ZFHX2: variants seen among roughly 807,000 people sequenced by gnomAD.
ZFHX2 encodes zinc finger homeobox protein 2.
A neutral mutation model predicts 164.8 loss-of-function variants in ZFHX2; 75 were observed. The ratio of observed to expected loss-of-function variants is 0.46; its 90% CI spans 0.38 to 0.55. The LOEUF (loss-of-function observed/expected upper bound fraction) is 0.55. ZFHX2 is among the 20% of genes least tolerant of loss of function. ZFHX2 has a pLI of 0.00. For missense variants in ZFHX2, 2,933 were observed against 3,308.0 expected (o/e 0.89, Z 2.78); for synonymous variants, 1,217 against 1,351.4 (o/e 0.90, Z 2.18).
Position 23,523,230 on chromosome 14 carries a change from G to T in ZFHX2, c.6712C>A (p.Leu2238Met), listed in dbSNP as rs1595132696. ...GAATTGAAAGGAGCTAAGTTGCCCAGCGGGGGCTGAGCCAGAGCTGGGCCA... is the reference window on the plus strand; with the variant it reads ...GAATTGAAAGGAGCTAAGTTGCCCATCGGGGGCTGAGCCAGAGCTGGGCCA... ...LSGPALAQPPLGNLAPFNSGP... is the reference protein window; with the variant it reads ...LSGPALAQPPMGNLAPFNSGP... Residue 2238 changes from leucine (L) to methionine (M), a missense_variant, in exon 9 of 10, where the codon CTG becomes ATG. Physicochemically the swap from Leu to Met is conservative, Grantham distance 15. Transcript: ENST00000419474. The surrounding 1 kb of genome is among the most constrained non-coding windows in gnomAD (Gnocchi z 4.1). The T allele has an allele frequency of 7.0e-7, 1 of 1,432,296 alleles. No individual in the cohort carries two copies. The allele number at this position is 1,432,296 out of a possible 1,614,324, so 88.7% of individuals were successfully genotyped here.
In ZFHX2 at chr14:23,524,771, C is replaced by A. The variant is rs1878489209; in HGVS notation, c.5171G>T (p.Gly1724Val). 2.0e-6 allele frequency: 3 copies of A among 1,536,470 alleles called. No homozygotes were observed. Among genetic ancestry groups the A allele is most frequent in the Non-Finnish European group, 2.6e-6 (3 of 1,146,962 alleles). The change falls in exon 9 of 10, where the codon GGC (glycine) becomes GTC (valine). Residue 1724 changes from glycine (G) to valine (V), a missense_variant. Coordinates refer to ENST00000419474, the MANE Select transcript of ZFHX2 (RefSeq NM_033400.3). This position sits in a 1 kb window ranked among gnomAD's most constrained non-coding sequence, Gnocchi z 5.6. Reference sequence around the variant, plus strand: ...CTCAGGCCCTGCTGGAGGTTCAAGGCCCTGTTCCTCCTCTACTTCTTCTTC... The same window carrying A: ...CTCAGGCCCTGCTGGAGGTTCAAGGACCTGTTCCTCCTCTACTTCTTCTTC... ...VEEEEVEEEQ[G>V]LEPPAGPEGP...
chr14:23,534,323 G>A lies in ZFHX2; in HGVS notation c.1003C>T (p.Leu335Phe), dbSNP rs1477019708. The change falls in exon 2 of 10, where the codon CTC becomes TTC. Residue 335 changes from leucine to phenylalanine, a missense_variant. Coordinates refer to ENST00000419474, the MANE Select transcript of ZFHX2 (RefSeq NM_033400.3). The surrounding 1 kb of genome is among the most constrained non-coding windows in gnomAD (Gnocchi z 4.5). The part of the protein sequence containing the change: ...PPEAEVQALI[L>F]LDEEVMALSP... ...AGGGCCATAACTTCTTCATCCAGGA[G>A]GATAAGGGCCTGGACTTCTGCCTCA... 6.5e-7 allele frequency: 1 copy of A among 1,536,344 alleles called. No homozygotes were observed. Among genetic ancestry groups the A allele is most frequent in the South Asian group, 1.2e-5 (1 of 84,064 alleles).
Position 23,523,025 on chromosome 14 carries a change from C to T in ZFHX2, c.6740-84G>A, listed in dbSNP as rs1878232308. The stretch of plus-strand genomic sequence containing the variant: ...GCCATAGGCCACCTCCAGCCACACA[C>T]ACCCGTTCCCAGCACCGGATTTCCA... On this transcript the variant is annotated intron_variant, in intron 9 of 9. Transcript: ENST00000419474. This position sits in a 1 kb window ranked among gnomAD's most constrained non-coding sequence, Gnocchi z 4.1. 3 of 1,416,054 alleles carry T rather than the reference C, an allele frequency of 2.1e-6. No homozygotes were observed. Among genetic ancestry groups the T allele is most frequent in the Admixed American group, 6.0e-5 (2 of 33,128 alleles). The allele number at this position is 1,416,054 out of a possible 1,614,324, so 87.7% of individuals were successfully genotyped here. A position where few individuals can be genotyped will look rare whatever the true frequency, so the allele number is the denominator to read the frequency against.
intron 1 of ZFHX2, among the ~76,000 whole-genome samples, chr14:23,538,704 C>T (rs1262846771): frequency 6.6e-6 from 1 of 152,148 alleles, no homozygotes; most frequent in African/African-American, 2.4e-5. Context: ...CCTGACATTG[C>T]TTCCTCTGAA....
intron 1 of ZFHX2, among the ~76,000 whole-genome samples, chr14:23,541,792 C>G (rs920812426): frequency 6.0e-5 from 9 of 150,352 alleles, no homozygotes; most frequent in African/African-American, 2.2e-4. Context: ...AGATCCTTTC[C>G]AAGTCATCCC....
upstream of ZFHX2, among the ~76,000 whole-genome samples, chr14:23,552,193 G>T (rs1378576388): frequency 6.6e-6 from 1 of 151,856 alleles, no homozygotes; most frequent in Non-Finnish European, 1.5e-5. Context: ...GAGAGCTTCT[G>T]CCTCCTCCAC....
chr14:23,531,332 T>C (rs1168763631), intron 4 of ZFHX2, 149 bp downstream of exon 4: 2 of 1,201,490 alleles, frequency 1.7e-6, no homozygotes, highest in Non-Finnish European at 2.1e-6. Context: ...TCATTCTGTC[T>C]TATCCCTTCG....
In ZFHX2 at chr14:23,534,132, C is replaced by T. The variant is rs764845259; in HGVS notation, c.1194G>A (p.Glu398=). 13 of 1,478,630 alleles carry T rather than the reference C, an allele frequency of 8.8e-6. No individual in the cohort carries two copies. The highest frequency in any genetic ancestry group is 1.4e-5 in the South Asian group (1 of 73,914). 91.6% of individuals were successfully genotyped at this position (1,478,630 alleles called of 1,614,324 possible). The change falls in exon 2 of 10, where the codon GAG becomes GAA. Residue 398 remains glutamate (E), a synonymous_variant. Transcript: ENST00000419474. This position sits in a 1 kb window ranked among gnomAD's most constrained non-coding sequence, Gnocchi z 4.5. The part of the protein sequence containing the change: ...PLNQSSPTSK[E]GGTLPAPVGS... Reference sequence around the variant, plus strand: ...CCACTGGGGCAGGGAGAGTGCCCCCCTCCTTGGAGGTGGGTGAGCTTTGGT... The same window carrying T: ...CCACTGGGGCAGGGAGAGTGCCCCCTTCCTTGGAGGTGGGTGAGCTTTGGT...
Position 23,526,474 on chromosome 14 carries a change from C to G in ZFHX2, c.3468G>C (p.Glu1156Asp). 1 of 1,536,144 alleles carries G rather than the reference C, an allele frequency of 6.5e-7. No homozygotes were observed. The highest frequency in any genetic ancestry group is 8.7e-7 in the Non-Finnish European group (1 of 1,146,900). ...MAEEEEGTTG[E>D]LRSAEPAPAD... ...CTGGAGCTGGCTCTGCAGAGCGGAGCTCCCCAGTGGTCCCCTCTTCCTCCT... is the reference window on the plus strand; with the variant it reads ...CTGGAGCTGGCTCTGCAGAGCGGAGGTCCCCAGTGGTCCCCTCTTCCTCCT... The change falls in exon 9 of 10, where the codon GAG (glutamate) becomes GAC (aspartate). Residue 1156 changes from glutamate (E) to aspartate (D), a missense_variant. Physicochemically the swap from Glu to Asp is conservative, Grantham distance 45 (BLOSUM62 2). Coordinates refer to ENST00000419474, the MANE Select transcript of ZFHX2 (RefSeq NM_033400.3).
In ZFHX2 at chr14:23,526,204, C is replaced by T; in HGVS notation, c.3738G>A (p.Lys1246=). 6.5e-7 allele frequency: 1 copy of T among 1,536,544 alleles called. No individual in the cohort carries two copies. Among genetic ancestry groups the T allele is most frequent in the South Asian group, 1.2e-5 (1 of 84,062 alleles). The change falls in exon 9 of 10, where the codon AAG becomes AAA. Residue 1246 remains lysine, a synonymous_variant. Transcript: ENST00000419474. ...CTCTGCAGACTGTGCACTTAAAGGG[C>T]TTGTCTGTGGCAGCAGTGGTGGTGG... ...APPTTTAATD[K]PFKCTVCRVS...
In ZFHX2 at chr14:23,525,819, C is replaced by T. The variant is rs1878627865; in HGVS notation, c.4123G>A (p.Gly1375Arg). 3 of 1,462,082 alleles carry T rather than the reference C, an allele frequency of 2.1e-6. No individual in the cohort carries two copies. Among genetic ancestry groups the T allele is most frequent in the Non-Finnish European group, 2.7e-6 (3 of 1,112,740 alleles). The allele number at this position is 1,462,082 out of a possible 1,614,324, so 90.6% of individuals were successfully genotyped here. A position where few individuals can be genotyped will look rare whatever the true frequency, so the allele number is the denominator to read the frequency against. Residue 1375 changes from glycine (G) to arginine (R), a missense_variant, in exon 9 of 10, where the codon GGG becomes AGG. Coordinates refer to ENST00000419474, the MANE Select transcript of ZFHX2 (RefSeq NM_033400.3). This position sits in a 1 kb window ranked among gnomAD's most constrained non-coding sequence, Gnocchi z 5.9. ...GGCCCAGCTAGTGTCAGCTTGGGCC[C>T]CACCTTGAGATCGTGGAGGTAGAAG... ...LPFYLHDLKV[G>R]PKLTLAGPAP...
At chr14:23,541,060 C>T (rs1369012842) in intron 1 of ZFHX2, among the ~76,000 whole-genome samples, 1 of 152,026 alleles carries the variant, frequency 6.6e-6, no homozygotes, top group Non-Finnish European at 1.5e-5. Context: ...GTGCATGCCA[C>T]CAGGCCTGGC....
chr14:23,533,444 G>A lies in ZFHX2; in HGVS notation c.1882C>T (p.Pro628Ser), dbSNP rs1879808822. The A allele has an allele frequency of 4.6e-6, 7 of 1,532,920 alleles. No homozygotes were observed. Among genetic ancestry groups the A allele is most frequent in the Non-Finnish European group, 6.1e-6 (7 of 1,144,722 alleles). The allele number at this position is 1,532,920 out of a possible 1,614,324, so 95.0% of individuals were successfully genotyped here. Residue 628 changes from proline to serine, a missense_variant, in exon 2 of 10, where the codon CCC becomes TCC. Transcript: ENST00000419474. This position sits in a 1 kb window ranked among gnomAD's most constrained non-coding sequence, Gnocchi z 4.8. Reference sequence around the variant, plus strand: ...CCAAAGTACTGGAAGAGTTCAGGGGGGCTAGTGGGGGTAGCCCCTGGTGGG... The same window carrying A: ...CCAAAGTACTGGAAGAGTTCAGGGGAGCTAGTGGGGGTAGCCCCTGGTGGG... Reference protein sequence around the residue: ...PPPPGATPTSPPELFQYFGPQ... With the variant: ...PPPPGATPTSSPELFQYFGPQ...
Position 23,525,766 on chromosome 14 carries a change from G to A in ZFHX2, c.4176C>T (p.Ala1392=), listed in dbSNP as rs1878619583. 1 of 1,504,084 alleles carries A rather than the reference G, an allele frequency of 6.6e-7. No individual in the cohort carries two copies. The highest frequency in any genetic ancestry group is 8.8e-7 in the Non-Finnish European group (1 of 1,130,410). The allele number at this position is 1,504,084 out of a possible 1,614,324, so 93.2% of individuals were successfully genotyped here. Residue 1392 remains alanine (A), a synonymous_variant, in exon 9 of 10, where the codon GCC becomes GCT. Transcript: ENST00000419474. The surrounding 1 kb of genome is among the most constrained non-coding windows in gnomAD (Gnocchi z 5.9). ...GAGGTTGGGGTGGAGGAGGAGGGGT[G>A]GCAGCTGGCAGGGACAGCACAGGTG... ...GPAPVLSLPA[A]TPPPPPQPPK...
Position 23,524,150 on chromosome 14 carries a change from G to A in ZFHX2, c.5792C>T (p.Pro1931Leu), listed in dbSNP as rs576274559. ...PGGVPSPAVK[P>L]PATATPASLP... is the part of the protein sequence containing the mutation. The stretch of plus-strand genomic sequence containing the variant: ...GGATGCAGGGGTGGCTGTGGCAGGC[G>A]GTTTCACTGCTGGACTAGGCACCCC... The change falls in exon 9 of 10, where the codon CCG (proline) becomes CTG (leucine). Residue 1931 changes from proline to leucine, a missense_variant. Coordinates refer to ENST00000419474, the MANE Select transcript of ZFHX2 (RefSeq NM_033400.3). The surrounding 1 kb of genome is among the most constrained non-coding windows in gnomAD (Gnocchi z 5.6). 137 of 1,535,970 alleles carry A rather than the reference G, an allele frequency of 8.9e-5. No homozygotes were observed. In the African/African-American group the frequency reaches 1.5e-3, roughly 17 times the overall value.
chr14:23,532,390 C>G (rs1879678423), intron 3 of ZFHX2, 177 bp downstream of exon 3: 1 of 734,876 alleles, frequency 1.4e-6, no homozygotes. Context: ...ATCCTTTGGT[C>G]TCTTTCTCCA....
upstream of ZFHX2, among the ~76,000 whole-genome samples, chr14:23,555,190 G>T (rs190837292): frequency 2.2e-3 from 329 of 152,148 alleles, 2 homozygotes; most frequent in Non-Finnish European, 4.1e-3. Context: ...GGGCCGGGGG[G>T]GTTTCTCCAT....
chr14:23,542,192 G>C (rs118054019), intron 1 of ZFHX2: 2,788 of 152,558 alleles, frequency 0.018, 41 homozygotes, highest in Non-Finnish European at 0.027. Context: ...TGGGATGGTG[G>C]CCTGTCCCCA....
chr14:23,539,507 C>G (rs185505418), intron 1 of ZFHX2, among the ~76,000 whole-genome samples: 7 of 152,054 alleles, frequency 4.6e-5, no homozygotes, highest in African/African-American at 1.7e-4. Context: ...AGGCCCTGAC[C>G]GAGCAAGATG....
Sources: gnomAD v4.1 joint callset for allele counts (sites outside exome capture counted in the v4.1 genomes callset) on GRCh38, gnomAD v4.1.1 for gene constraint, Gnocchi (gnomAD v3.1) non-coding constraint, MANE v1.5 for transcripts, NCBI Gene and HGNC (gene_info 2026-07-23, HGNC 2026-07-21) for gene names.